EFCAB6: variants seen among roughly 807,000 people sequenced by gnomAD.
The protein encoded by EFCAB6 is EF-hand calcium binding domain 6.
EFCAB6 carries 156 observed loss-of-function variants against 169.8 expected under a neutral mutation model. That is an observed-to-expected ratio of 0.92 (90% confidence interval 0.81 to 1.05). The LOEUF (loss-of-function observed/expected upper bound fraction) is 1.05, where lower values mean the gene tolerates loss of function less well. Among genes scored for constraint, EFCAB6 ranks in the 50% least tolerant of loss-of-function variants. The probability of loss-of-function intolerance (pLI) is 0.00; values close to 1 mark genes in which losing one functional copy is unlikely to be tolerated. For synonymous variants in EFCAB6, 698 were observed against 676.4 expected (o/e 1.03, Z -0.50); for missense variants, 1,800 against 1,829.1 (o/e 0.98, Z 0.29).
chr22:43,718,277 A>C (rs923849575), intron 8 of EFCAB6, among the ~76,000 whole-genome samples: 2 of 152,252 alleles, frequency 1.3e-5, no homozygotes, highest in Non-Finnish European at 2.9e-5. Flanking sequence ...TTTCTTTCTC[A>C]AAGTTGACTG....
At chr22:43,677,950 C>G in intron 13 of EFCAB6, 46 bp downstream of exon 13, 1 of 1,559,970 alleles carries the variant, frequency 6.4e-7, no homozygotes, top group East Asian at 2.3e-5. Context: ...ACTGAAATTT[C>G]CCAACATAAA....
rs754500199 is a variant in EFCAB6, at chr22:43,580,548, T to G, written c.3144A>C (p.Pro1048=). Residue 1048 remains proline (P), a synonymous_variant, in exon 25 of 32, where the codon CCA becomes CCC. Coordinates refer to ENST00000262726, the MANE Select transcript of EFCAB6 (RefSeq NM_022785.4). Reference sequence around the variant, plus strand: ...GTGGATTCAGCGTTGCAAAATTGATTGGCATGCTCTCTTCTTTTTCCTTGG... The same window carrying G: ...GTGGATTCAGCGTTGCAAAATTGATGGGCATGCTCTCTTCTTTTTCCTTGG... The part of the protein sequence containing the change: ...AQPKEKEESM[P]INFATLNPQE... The G allele has an allele frequency of 1.2e-6, 2 of 1,614,142 alleles. No homozygotes were observed. The highest frequency in any genetic ancestry group is 1.7e-6 in the Non-Finnish European group (2 of 1,180,002).
intron 6 of EFCAB6, among the ~76,000 whole-genome samples, chr22:43,747,377 A>C (rs1569465959): frequency 6.6e-6 from 1 of 152,178 alleles, no homozygotes; most frequent in South Asian, 2.1e-4. Flanking sequence ...CTCAAGGACT[A>C]GGGGAACAGC....
chr22:43,597,401 G>A (rs901904358), intron 23 of EFCAB6, among the ~76,000 whole-genome samples: 10 of 152,102 alleles, frequency 6.6e-5, no homozygotes, highest in Admixed American at 1.3e-4. Flanking sequence ...CCAACAGCAT[G>A]AAAAGAAATA....
intron 23 of EFCAB6, among the ~76,000 whole-genome samples, chr22:43,595,860 C>T (rs948624777): frequency 6.6e-6 from 1 of 152,110 alleles, no homozygotes; most frequent in Non-Finnish European, 1.5e-5. Flanking sequence ...AAAATACTAG[C>T]AAACCAAATT....
At chr22:43,673,604 A>AC (rs1032382409) in intron 13 of EFCAB6, among the ~76,000 whole-genome samples, 23 of 152,010 alleles carry the variant, frequency 1.5e-4, no homozygotes, top group African/African-American at 5.1e-4. Context: ...GGTGAAACCA[A>AC]CCCCGTCTCT....
chr22:43,810,099 G>A (rs1314562296), intron 1 of EFCAB6, among the ~76,000 whole-genome samples: 1 of 151,798 alleles, frequency 6.6e-6, no homozygotes, highest in Admixed American at 6.6e-5. Flanking sequence ...GGCTGGTCTC[G>A]AACTCCTGGC....
At chr22:43,578,674 C>T (rs1335536982) in intron 25 of EFCAB6, among the ~76,000 whole-genome samples, 1 of 152,060 alleles carries the variant, frequency 6.6e-6, no homozygotes, top group Admixed American at 6.6e-5. Flanking sequence ...ACGCGGTCAT[C>T]ATTCCCTACG....
At chr22:43,618,134 G>T (rs2053831685) in intron 20 of EFCAB6, among the ~76,000 whole-genome samples, 1 of 127,884 alleles carries the variant, frequency 7.8e-6, no homozygotes. Flanking sequence ...AAAAGAAAGA[G>T]ACAGAGAGGA....
intron 27 of EFCAB6, among the ~76,000 whole-genome samples, chr22:43,547,896 C>A (rs1488389878): frequency 6.6e-6 from 1 of 151,916 alleles, no homozygotes; most frequent in Non-Finnish European, 1.5e-5. Context: ...CTGAGACCAT[C>A]CTGGCTAACA....
intron 6 of EFCAB6, among the ~76,000 whole-genome samples, chr22:43,750,930 A>G (rs1029580719): frequency 2.0e-5 from 3 of 152,202 alleles, no homozygotes; most frequent in Non-Finnish European, 4.4e-5. Context: ...ACACACCTCC[A>G]AGGCACCAGG....
At chr22:43,756,594 C>A (rs2060966525) in intron 5 of EFCAB6, among the ~76,000 whole-genome samples, 1 of 152,166 alleles carries the variant, frequency 6.6e-6, no homozygotes, top group African/African-American at 2.4e-5. Context: ...TCCATGCCTC[C>A]TACCTGCCAG....
intron 17 of EFCAB6, among the ~76,000 whole-genome samples, chr22:43,648,551 A>G (rs113438808): frequency 1.7e-4 from 26 of 152,256 alleles, no homozygotes; most frequent in African/African-American, 6.3e-4. Context: ...ACTGGGGACT[A>G]CTAGAGTGGG....
At chr22:43,689,208 G>C (rs531189529) in intron 10 of EFCAB6, among the ~76,000 whole-genome samples, 12 of 151,482 alleles carry the variant, frequency 7.9e-5, no homozygotes, top group Non-Finnish European at 1.2e-4. Flanking sequence ...AAAATTTTGC[G>C]GGGGGGCGCA....
At chr22:43,708,116 A>G (rs1210948008) in intron 10 of EFCAB6, among the ~76,000 whole-genome samples, 1 of 151,342 alleles carries the variant, frequency 6.6e-6, no homozygotes, top group Non-Finnish European at 1.5e-5. Context: ...AAAAGAAAGA[A>G]AGAAAGTTGG....
At chr22:43,562,841 C>T (rs934221723) in intron 26 of EFCAB6, among the ~76,000 whole-genome samples, 1 of 150,854 alleles carries the variant, frequency 6.6e-6, no homozygotes, top group Non-Finnish European at 1.5e-5. Context: ...AGGGAGGCAG[C>T]CCGGTGGGGG....
At chr22:43,556,094 G>A (rs1050541960) in intron 26 of EFCAB6, among the ~76,000 whole-genome samples, 5 of 152,206 alleles carry the variant, frequency 3.3e-5, no homozygotes, top group Non-Finnish European at 1.5e-5. Context: ...CCTGGGGCCT[G>A]TCAGGAGGAG....
At chr22:43,764,838 T>G (rs958144476) in intron 5 of EFCAB6, among the ~76,000 whole-genome samples, 1 of 152,000 alleles carries the variant, frequency 6.6e-6, no homozygotes, top group African/African-American at 2.4e-5. Context: ...AAGAGTCCCA[T>G]GCTTTATGCA....
chr22:43,626,559 A>G lies in EFCAB6; in HGVS notation c.2353T>C (p.Phe785Leu). The stretch of plus-strand genomic sequence containing the variant: ...AGTCTCAAGCCAAGAAGGCCAAGGA[A>G]GCGCTCAAACTCGTCGTCTTTGAGA... Reference protein sequence around the residue: ...LNLKDDEFERFLGLLGLRLSV... With the variant: ...LNLKDDEFERLLGLLGLRLSV... The change falls in exon 20 of 32, where the codon TTC (phenylalanine) becomes CTC (leucine). Residue 785 changes from phenylalanine to leucine, a missense_variant. Coordinates refer to ENST00000262726, the MANE Select transcript of EFCAB6 (RefSeq NM_022785.4). 3 of 1,614,192 alleles carry G rather than the reference A, an allele frequency of 1.9e-6. No individual in the cohort carries two copies. The highest frequency in any genetic ancestry group is 2.5e-6 in the Non-Finnish European group (3 of 1,180,042).
Sources: allele counts gnomAD v4.1 joint callset (sites outside exome capture counted in the v4.1 genomes callset), GRCh38; gene constraint gnomAD v4.1.1; transcripts MANE v1.5; gene names NCBI Gene and HGNC (gene_info 2026-07-23, HGNC 2026-07-21).